GLIS1: variants seen among roughly 807,000 people sequenced by gnomAD.
GLIS1 encodes the protein GLIS family zinc finger 1.
In GLIS1, 24 loss-of-function variants were observed where a neutral mutation model predicts 63.8. The ratio of observed to expected loss-of-function variants is 0.38; its 90% CI spans 0.27 to 0.53. The LOEUF is 0.53. Among genes scored for constraint, GLIS1 ranks in the 20% least tolerant of loss-of-function variants. The probability of loss-of-function intolerance (pLI) is 0.85; values close to 1 mark genes in which losing one functional copy is unlikely to be tolerated. For synonymous variants in GLIS1, 450 were observed against 482.5 expected (o/e 0.93, Z 0.88); for missense variants, 1,036 against 1,074.1 (o/e 0.96, Z 0.50).
At chr1:53,716,474 G>T (rs1646699654) in intron 2 of GLIS1, among the ~76,000 whole-genome samples, 1 of 151,880 alleles carries the variant, frequency 6.6e-6, no homozygotes, top group African/African-American at 2.4e-5. Flanking sequence ...CCTGAAAGGA[G>T]TAACAACAAT....
At chr1:53,541,174 G>A (rs990466745) in intron 4 of GLIS1, among the ~76,000 whole-genome samples, 3 of 152,178 alleles carry the variant, frequency 2.0e-5, no homozygotes, top group South Asian at 2.1e-4. Flanking sequence ...AAGCTCTACC[G>A]GGAGAAATGG....
chr1:53,553,476 T>C (rs1363221256), intron 4 of GLIS1, among the ~76,000 whole-genome samples: 1 of 152,230 alleles, frequency 6.6e-6, no homozygotes, highest in Non-Finnish European at 1.5e-5. Flanking sequence ...TTCTAGCTGC[T>C]GGTGACACAG....
chr1:53,562,577 A>G (rs1333037411), intron 4 of GLIS1, among the ~76,000 whole-genome samples: 1 of 152,098 alleles, frequency 6.6e-6, no homozygotes, highest in Non-Finnish European at 1.5e-5. Flanking sequence ...CTCTCAGCTG[A>G]GTCCCAGCCC....
intron 2 of GLIS1, among the ~76,000 whole-genome samples, chr1:53,714,498 A>C (rs868198868): frequency 1.3e-5 from 2 of 152,188 alleles, no homozygotes; most frequent in Non-Finnish European, 2.9e-5. Flanking sequence ...GAAAACAGAG[A>C]TCTTACAAAA....
At chr1:53,542,840 T>G (rs995655366) in intron 4 of GLIS1, among the ~76,000 whole-genome samples, 3 of 152,212 alleles carry the variant, frequency 2.0e-5, no homozygotes, top group Non-Finnish European at 4.4e-5. Flanking sequence ...CAGGCAGGAC[T>G]CTGGCTGTCT....
intron 2 of GLIS1, among the ~76,000 whole-genome samples, chr1:53,609,108 G>C (rs1645399971): frequency 6.6e-6 from 1 of 152,092 alleles, no homozygotes; most frequent in Admixed American, 6.5e-5. Context: ...TCACAGATGG[G>C]ATTTTTATTA....
chr1:53,577,572 C>G (rs573062850), intron 4 of GLIS1, among the ~76,000 whole-genome samples: 10 of 152,334 alleles, frequency 6.6e-5, no homozygotes, highest in Admixed American at 1.3e-4. Context: ...CAGGGTCCAG[C>G]CCCTATCCAC....
rs544249775 is a variant in GLIS1, at chr1:53,694,525, C to T, written c.259+43281G>A. ...TCTGGGTACCAAGCTGGGCCCAGCC[C>T]ATGAATTAAGCTCATGCAGAGGGGG... On this transcript the variant is annotated intron_variant, in intron 2 of 10. Transcript: ENST00000628545. Among the ~76,000 whole-genome samples the T allele has an allele frequency of 5.3e-5, 8 of 152,292 alleles. 1 individual carries two copies. The South Asian group carries it at 1.7e-3, about 32-fold the overall frequency.
chr1:53,587,855 T>C (rs562536125), intron 4 of GLIS1, among the ~76,000 whole-genome samples: 38 of 152,262 alleles, frequency 2.5e-4, no homozygotes, highest in South Asian at 4.2e-4. Flanking sequence ...ATCTGGATAT[T>C]CTCTCAATGT....
chr1:53,573,004 T>C (rs554487682), intron 4 of GLIS1, among the ~76,000 whole-genome samples: 90 of 152,164 alleles, frequency 5.9e-4, no homozygotes, highest in Non-Finnish European at 1.1e-3. Context: ...CACCAAAGGC[T>C]CAGTCACTGT....
At chr1:53,703,048 C>T (rs1646540918) in intron 2 of GLIS1, among the ~76,000 whole-genome samples, 1 of 152,252 alleles carries the variant, frequency 6.6e-6, no homozygotes, top group African/African-American at 2.4e-5. Flanking sequence ...CACTCGCCAG[C>T]ATGGGCAAGT....
At chr1:53,602,404 G>C (rs1284522703) in intron 2 of GLIS1, among the ~76,000 whole-genome samples, 1 of 152,166 alleles carries the variant, frequency 6.6e-6, no homozygotes, top group African/African-American at 2.4e-5. Flanking sequence ...ATTTGGAGCA[G>C]AGAGAGCTTA....
intron 4 of GLIS1, among the ~76,000 whole-genome samples, chr1:53,551,352 C>T (rs1373112319): frequency 1.3e-5 from 2 of 152,194 alleles, no homozygotes; most frequent in Admixed American, 1.3e-4. Context: ...GTTGTGAGGC[C>T]TGGAAACTGT....
chr1:53,738,501 G>A (rs1457406111), intron 1 of GLIS1, among the ~76,000 whole-genome samples: 2 of 152,186 alleles, frequency 1.3e-5, no homozygotes, highest in African/African-American at 4.8e-5. Flanking sequence ...CCAGAGCAGG[G>A]CTCGGGCGAA....
intron 4 of GLIS1, among the ~76,000 whole-genome samples, chr1:53,550,256 A>G (rs1340424083): frequency 1.3e-5 from 2 of 152,218 alleles, no homozygotes; most frequent in Non-Finnish European, 2.9e-5. Context: ...ATGATGTTTC[A>G]GAACGATGAT....
At chr1:53,592,162 G>T (rs1456133017) in intron 4 of GLIS1, among the ~76,000 whole-genome samples, 1 of 152,086 alleles carries the variant, frequency 6.6e-6, no homozygotes, top group Non-Finnish European at 1.5e-5. Context: ...CAGAGAGAGA[G>T]ACCCTGAGTC....
In GLIS1 at chr1:53,590,122, G is replaced by GATCAC. The variant is rs1189171109; in HGVS notation, c.1320+3985_1320+3986insGTGAT. Among the ~76,000 whole-genome samples the GATCAC allele has an allele frequency of 2.0e-5, 3 of 152,214 alleles. No homozygotes were observed. The East Asian group carries it at 5.8e-4, about 29-fold the overall frequency. ...ACTGTACACATCACCTGAGATCAAT[G>GATCAC]CTGGAGTGTGATGGGGAAGCAAGCA... On this transcript the variant is annotated intron_variant, in intron 4 of 10. Transcript: ENST00000628545.
In GLIS1 at chr1:53,683,702, G is replaced by A. The variant is rs529789888; in HGVS notation, c.259+54104C>T. ...GAATGAAAGAATGACCGAGGTGCCC[G>A]GTAAATGCTTGTCAGGAATGGAGTG... On this transcript the variant is annotated intron_variant, in intron 2 of 10. Coordinates refer to ENST00000628545, the MANE Select transcript of GLIS1 (RefSeq NM_001367484.1). Among the ~76,000 whole-genome samples, 9 of 152,232 alleles carry A rather than the reference G, an allele frequency of 5.9e-5. No homozygotes were observed. The South Asian group carries it at 1.0e-3, about 18-fold the overall frequency.
rs1276215329 is a variant in GLIS1, at chr1:53,594,822, C to T, written c.606G>A (p.Pro202=). 16 of 1,605,390 alleles carry T rather than the reference C, an allele frequency of 1.0e-5. No individual in the cohort carries two copies. The highest frequency in any genetic ancestry group is 8.0e-5 in the African/African-American group (6 of 74,832). Residue 202 remains proline (P), a synonymous_variant, in exon 4 of 11, where the codon CCG becomes CCA. Coordinates refer to ENST00000628545, the MANE Select transcript of GLIS1 (RefSeq NM_001367484.1). Reference sequence around the variant, plus strand: ...GCGCAGGGGTGGCGAGGCTTCGGCCCGGGAGGTCCAGGTCTGGGTGCAGGC... The same window carrying T: ...GCGCAGGGGTGGCGAGGCTTCGGCCTGGGAGGTCCAGGTCTGGGTGCAGGC... ...ATGLHPDLDL[P]GRSLATPAPS... is the part of the protein sequence containing the mutation.
Sources: gnomAD v4.1 joint callset for allele counts (sites outside exome capture counted in the v4.1 genomes callset) on GRCh38, gnomAD v4.1.1 for gene constraint, MANE v1.5 for transcripts, NCBI Gene and HGNC (gene_info 2026-07-23, HGNC 2026-07-21) for gene names.